Variants in ACP7 observed in about 807,000 individuals in gnomAD.
ACP7 encodes the protein acid phosphatase type 7.
A neutral mutation model predicts 60.6 loss-of-function variants in ACP7; 58 were observed. That is an observed-to-expected ratio of 0.96 (90% CI 0.77 to 1.19). ACP7 has a LOEUF of 1.19. ACP7 is among the 50% of genes most tolerant of loss of function. The pLI, the probability that ACP7 is intolerant of heterozygous loss-of-function variation, is 0.00. For synonymous variants in ACP7, 237 were observed against 232.6 expected (o/e 1.02, Z -0.17); for missense variants, 574 against 596.2 (o/e 0.96, Z 0.39).
Position 39,098,734 on chromosome 19 carries a change from G to A in ACP7, c.322+76G>A. ...GGATGCAGACTAGAAGCTACCACTG[G>A]CCGGTGGCTCAGGCTGGGCTGGTAA... On this transcript the variant is annotated intron_variant, in intron 3 of 12. Transcript: ENST00000331256. 4 of 1,463,982 alleles carry A rather than the reference G, an allele frequency of 2.7e-6. 1 individual carries two copies. In the East Asian group the frequency reaches 9.3e-5, roughly 34 times the overall value. The allele number at this position is 1,463,982 out of a possible 1,614,324, so 90.7% of individuals were successfully genotyped here.
intron 2 of ACP7, among the ~76,000 whole-genome samples, chr19:39,090,377 C>G (rs2073190581): frequency 6.6e-6 from 1 of 152,076 alleles, no homozygotes; most frequent in South Asian, 2.1e-4. Flanking sequence ...CTGTGTTGCC[C>G]AGGCTGGTCT....
intron 2 of ACP7, among the ~76,000 whole-genome samples, chr19:39,098,253 C>CAAAAAAAAAAAAAAAAA (rs59373149): frequency 1.1e-4 from 7 of 64,972 alleles, no homozygotes; most frequent in East Asian, 4.4e-4. Flanking sequence ...GACCCTGACT[C>CAAAAAAAAAAAAAAAAA]AAAAAAAAAA....
At chr19:39,085,055 T>C (rs1303892512) in intron 1 of ACP7, 37 bp from the exon 2 acceptor site, 1 of 543,036 alleles carries the variant, frequency 1.8e-6, no homozygotes, top group East Asian at 3.2e-5. Context: ...TCTGCTGCTG[T>C]TCCTTAGCGA....
chr19:39,088,726 GGTTTGTTTGTTTGTTT>G (rs72337815), intron 2 of ACP7, among the ~76,000 whole-genome samples: 4 of 149,926 alleles, frequency 2.7e-5, no homozygotes, highest in Non-Finnish European at 4.4e-5. Context: ...GATCTTTGTG[GGTTTGTTTGTTTGTTT>G]GTTTGTTTGT....
intron 4 of ACP7, among the ~76,000 whole-genome samples, chr19:39,099,791 G>A (rs202125830): frequency 3.3e-5 from 5 of 151,238 alleles, no homozygotes; most frequent in African/African-American, 1.2e-4. Context: ...TCAGGAGTTC[G>A]AGACCAGCCC....
At chr19:39,086,328 A>G (rs141261449) in intron 2 of ACP7, among the ~76,000 whole-genome samples, 96 of 146,520 alleles carry the variant, frequency 6.6e-4, no homozygotes, top group Admixed American at 1.6e-3. Flanking sequence ...CCCTGTCTTT[A>G]AAAAAAAAAA....
At chr19:39,099,440 G>A (rs1442242839) in intron 4 of ACP7, among the ~76,000 whole-genome samples, 2 of 152,196 alleles carry the variant, frequency 1.3e-5, no homozygotes, top group Non-Finnish European at 2.9e-5. Flanking sequence ...CAGGACTGTT[G>A]TGATGACTAC....
At chr19:39,091,800 A>G (rs1423990887) in intron 2 of ACP7, among the ~76,000 whole-genome samples, 2 of 151,878 alleles carry the variant, frequency 1.3e-5, no homozygotes, top group Non-Finnish European at 2.9e-5. Flanking sequence ...AATCCCAGCT[A>G]CTCAGGAGGC....
In ACP7 at chr19:39,098,647, G is replaced by T; in HGVS notation, c.311G>T (p.Gly104Val). ...GTCACGCTTCGCAAGCTGCTGCCAG[G>T]GGTTCAGTATGGTGAGAGGGGCCCC... ...HRVTLRKLLP[G>V]VQYVYRCGSA... is the part of the protein sequence containing the mutation. The change falls in exon 3 of 13, where the codon GGG (glycine) becomes GTG (valine). Residue 104 changes from glycine to valine, a missense_variant. By Grantham distance (109) the Gly-to-Val change is moderately radical. Coordinates refer to ENST00000331256, the MANE Select transcript of ACP7 (RefSeq NM_001004318.3). 6.2e-7 allele frequency: 1 copy of T among 1,611,568 alleles called. No homozygotes were observed.
At position 39,106,930 on chromosome 19, in the gene ACP7, A is replaced by G. The variant is rs1158487258; in HGVS notation, c.1114-17A>G. ...TCCTCCACCTGCTCTGGGTCTGATCAGTTCTCCCCGCCCCAGGGCTGTGAG... is the reference window on the plus strand; with the variant it reads ...TCCTCCACCTGCTCTGGGTCTGATCGGTTCTCCCCGCCCCAGGGCTGTGAG... On this transcript the variant is annotated splice_polypyrimidine_tract_variant and intron_variant, in intron 11 of 12. Coordinates refer to ENST00000331256, the MANE Select transcript of ACP7 (RefSeq NM_001004318.3). The G allele has an allele frequency of 6.2e-7, 1 of 1,613,054 alleles. No homozygotes were observed. The highest frequency in any genetic ancestry group is 8.5e-7 in the Non-Finnish European group (1 of 1,179,558).
intron 2 of ACP7, among the ~76,000 whole-genome samples, chr19:39,094,373 C>A (rs375688552): frequency 6.6e-6 from 1 of 151,782 alleles, no homozygotes; most frequent in Non-Finnish European, 1.5e-5. Context: ...CATGGTGGCA[C>A]GCACCTGTAA....
intron 11 of ACP7, among the ~76,000 whole-genome samples, chr19:39,101,872 G>A (rs1279725567): frequency 4.0e-5 from 6 of 150,158 alleles, no homozygotes; most frequent in Admixed American, 2.0e-4. Context: ...TTGGGAGGCC[G>A]AGTCTGGAGG....
At chr19:39,085,864 A>G (rs185556592) in intron 2 of ACP7, among the ~76,000 whole-genome samples, 132 of 152,282 alleles carry the variant, frequency 8.7e-4, no homozygotes, top group Admixed American at 1.8e-3. Context: ...ACTCTGGACC[A>G]TTGGCACCCA....
At chr19:39,102,871 C>T (rs1337110395) in intron 11 of ACP7, among the ~76,000 whole-genome samples, 1 of 148,728 alleles carries the variant, frequency 6.7e-6, no homozygotes, top group African/African-American at 2.5e-5. Flanking sequence ...GAGTTTCACT[C>T]TTGTCACCCA....
At chr19:39,090,790 CTTTTTTTTT>C (rs35453957) in intron 2 of ACP7, among the ~76,000 whole-genome samples, 1 of 133,480 alleles carries the variant, frequency 7.5e-6, no homozygotes, top group Non-Finnish European at 1.6e-5. Flanking sequence ...CTTCCCACTT[CTTTTTTTTT>C]TTTTTTTTGG....
At chr19:39,085,519 TC>T (rs372668359) in intron 2 of ACP7, 129 bp downstream of exon 2, 5 of 1,264,614 alleles carry the variant, frequency 4.0e-6, no homozygotes, top group African/African-American at 3.1e-5. Flanking sequence ...GCCTCCATCA[TC>T]CACCTCTGTG....
intron 4 of ACP7, 99 bp downstream of exon 4, chr19:39,099,241 T>C: frequency 7.7e-7 from 1 of 1,304,538 alleles, no homozygotes; most frequent in Non-Finnish European, 9.9e-7. Context: ...GGGGCGGTGC[T>C]AGGACCGTGG....
chr19:39,098,429 C>G (rs1169834066), intron 2 of ACP7, 29 bp from the exon 3 acceptor site: 2 of 1,477,518 alleles, frequency 1.4e-6, no homozygotes, highest in Non-Finnish European at 1.8e-6. Flanking sequence ...GCTTCACTCC[C>G]GGTCTACCCT....
At chr19:39,109,618 T>A (rs2073447210) in intron 12 of ACP7, among the ~76,000 whole-genome samples, 1 of 135,460 alleles carries the variant, frequency 7.4e-6, no homozygotes, top group East Asian at 2.2e-4. Context: ...GGCAGGAGAA[T>A]GGCTTGAACC....
Sources: gnomAD v4.1 joint callset for allele counts (sites outside exome capture counted in the v4.1 genomes callset) on GRCh38, gnomAD v4.1.1 for gene constraint, MANE v1.5 for transcripts, NCBI Gene and HGNC (gene_info 2026-07-23, HGNC 2026-07-21) for gene names.